Variants in IL4I1 observed in about 807,000 individuals in gnomAD.
IL4I1 encodes L-amino-acid oxidase.
Under a neutral mutation model 29.7 loss-of-function variants are expected in IL4I1, and 24 were observed. The observed-to-expected ratio is 0.81, with a 90% confidence interval of 0.59 to 1.14. The LOEUF is 1.14. IL4I1 is among the 50% of genes most tolerant of loss of function. The pLI is 0.00. For missense variants in IL4I1, 686 were observed against 785.6 expected (o/e 0.87, Z 1.52); for synonymous variants, 371 against 352.5 (o/e 1.05, Z -0.59).
intron 2 of IL4I1, among the ~76,000 whole-genome samples, chr19:49,926,208 C>CAA (rs33981121): frequency 0.2 from 8,357 of 42,166 alleles, 1,131 homozygotes; most frequent in Non-Finnish European, 0.25. Context: ...GACTCTGTCT[C>CAA]AAAAAAAAAA....
chr19:49,909,232 C>T (rs371666520), intron 2 of IL4I1: 30 of 1,613,938 alleles, frequency 1.9e-5, no homozygotes, highest in Middle Eastern at 1.6e-4. Flanking sequence ...CTGGCGTGGC[C>T]GGAGTGAAGG....
At chr19:49,898,015 G>A (rs1436948709), upstream of IL4I1, among the ~76,000 whole-genome samples, 1 of 152,206 alleles carries the variant, frequency 6.6e-6, no homozygotes, top group African/African-American at 2.4e-5. Context: ...GACCGAAAGA[G>A]CTTGGGTCAG....
At chr19:49,912,166 C>CTT (rs60350799) in intron 2 of IL4I1, among the ~76,000 whole-genome samples, 2,589 of 115,454 alleles carry the variant, frequency 0.022, 108 homozygotes, top group East Asian at 0.059. Flanking sequence ...AACAGTTCAC[C>CTT]TTTTTTTTTT....
Position 49,921,776 on chromosome 19 carries a change from A to G in IL4I1, c.-228+5918T>C, listed in dbSNP as rs2075771032. Among the ~76,000 whole-genome samples, 1 of 152,154 alleles carries G rather than the reference A, an allele frequency of 6.6e-6. No individual in the cohort carries two copies. The highest frequency in any genetic ancestry group is 1.5e-5 in the Non-Finnish European group (1 of 68,000). ...TCTCCCCGCAGCTCCGACCATGACCATCCATCCTATGAGTGCTGGCTGGGC... is the reference window on the plus strand; with the variant it reads ...TCTCCCCGCAGCTCCGACCATGACCGTCCATCCTATGAGTGCTGGCTGGGC... On this transcript the variant is annotated intron_variant, in intron 2 of 9. Coordinates refer to the IL4I1 transcript ENST00000341114. The surrounding 1 kb of genome is among the most constrained non-coding windows in gnomAD (Gnocchi z 5.4).
rs778299454 is a variant in IL4I1 at position 49,908,970 on chromosome 19, T to C, written c.-227-4649A>G. The C allele has an allele frequency of 1.2e-5, 20 of 1,608,118 alleles. No individual in the cohort carries two copies. Among genetic ancestry groups the C allele is most frequent in the African/African-American group, 2.7e-5 (2 of 74,794 alleles). On this transcript the variant is annotated intron_variant, in intron 2 of 9. Coordinates refer to the IL4I1 transcript ENST00000341114. ...GTGGTGCTGCTGCTGCTGGTGGTGG[T>C]GGCGGTGGCGGTGGCAGCGGTGGAT...
chr19:49,924,973 C>A (rs898984562), intron 2 of IL4I1, among the ~76,000 whole-genome samples: 2 of 152,154 alleles, frequency 1.3e-5, no homozygotes, highest in African/African-American at 4.8e-5. Flanking sequence ...AAAAATTACC[C>A]ACACCGGGCC....
At chr19:49,890,721 C>T in intron 7 of IL4I1, 121 bp from the exon 8 acceptor site, 1 of 972,356 alleles carries the variant, frequency 1.0e-6, no homozygotes, top group South Asian at 1.8e-5. Flanking sequence ...CCCCGTCATC[C>T]ACCTCTCCCG....
intron 5 of IL4I1, among the ~76,000 whole-genome samples, chr19:49,892,740 C>T (rs1201688050): frequency 6.6e-6 from 1 of 152,208 alleles, no homozygotes; most frequent in Admixed American, 6.5e-5. Context: ...CCCCTTCACT[C>T]ACTCATGCAT....
intron 2 of IL4I1, among the ~76,000 whole-genome samples, chr19:49,920,216 G>T (rs2075732038): frequency 6.6e-6 from 1 of 152,168 alleles, no homozygotes; most frequent in South Asian, 2.1e-4. Context: ...CCAAGTAGCT[G>T]GGACTACAGG....
At chr19:49,911,515 C>T (rs910920442) in intron 2 of IL4I1, 3 of 152,210 alleles carry the variant, frequency 2.0e-5, no homozygotes, top group African/African-American at 7.2e-5. Context: ...AAATCCCCTT[C>T]CAGCTTGAGT....
chr19:49,925,513 G>C (rs1240791395), intron 2 of IL4I1, among the ~76,000 whole-genome samples: 1 of 150,996 alleles, frequency 6.6e-6, no homozygotes, highest in East Asian at 1.9e-4. Context: ...CCCAGTCTGA[G>C]ACAAAACCAA....
At chr19:49,918,760 A>C (rs573315730) in intron 2 of IL4I1, 16 of 152,206 alleles carry the variant, frequency 1.1e-4, no homozygotes, top group Non-Finnish European at 1.6e-4. Flanking sequence ...TCAATGCCTA[A>C]ATGTTCCCGT....
chr19:49,902,873 C>T (rs181981353), intron 3 of IL4I1, among the ~76,000 whole-genome samples: 70 of 151,292 alleles, frequency 4.6e-4, no homozygotes, highest in African/African-American at 1.5e-3. Flanking sequence ...TCCCAGCACT[C>T]TGGGAGGCCG....
At position 49,895,856 on chromosome 19, in the gene IL4I1, C is replaced by G; in HGVS notation, c.211G>C (p.Gly71Arg). The part of the protein sequence containing the change: ...RVIVVGAGVA[G>R]LVAAKVLSDA... ...CTGAGCACCTTGGCGGCCACCAGCC[C>G]GGCCACACCAGCGCCAACCACAATC... The change falls in exon 3 of 8, where the codon GGG becomes CGG. Residue 71 changes from glycine (G) to arginine (R), a missense_variant. By Grantham distance (125) the Gly-to-Arg change is moderately radical. Coordinates refer to ENST00000391826, the MANE Select transcript of IL4I1 (RefSeq NM_152899.2). 1 of 1,614,174 alleles carries G rather than the reference C, an allele frequency of 6.2e-7. No homozygotes were observed. Among genetic ancestry groups the G allele is most frequent in the Non-Finnish European group, 8.5e-7 (1 of 1,180,042 alleles).
rs527541766 is a variant in IL4I1, at chr19:49,921,576, T to C, written c.-228+6118A>G. On this transcript the variant is annotated intron_variant, in intron 2 of 9. Transcript: ENST00000341114. This position sits in a 1 kb window ranked among gnomAD's most constrained non-coding sequence, Gnocchi z 5.4. ...ACCCCCATACGTTCCTGCTCTGTGG[T>C]AGGTCAGGAAGAAGAGGGCAAAGGA... is the stretch of plus-strand genomic sequence containing the variant. Among the ~76,000 whole-genome samples the C allele has an allele frequency of 2.5e-3, 382 of 152,242 alleles. 1 individual carries two copies. The highest frequency in any genetic ancestry group is 8.7e-3 in the African/African-American group (362 of 41,542).
At chr19:49,901,581 C>G (rs2075272263), upstream of IL4I1, 1 of 1,232,142 alleles carries the variant, frequency 8.1e-7, no homozygotes, top group Admixed American at 2.9e-5. Flanking sequence ...TCCCCCTTCC[C>G]ATGGAACCCT....
chr19:49,923,530 G>A (rs1040409350), intron 2 of IL4I1, among the ~76,000 whole-genome samples: 4 of 152,164 alleles, frequency 2.6e-5, no homozygotes, highest in Non-Finnish European at 4.4e-5. Context: ...CAGGCGTGGC[G>A]AGAACAGAGA....
chr19:49,899,582 A>G (rs1159478898), upstream of IL4I1, among the ~76,000 whole-genome samples: 2 of 146,774 alleles, frequency 1.4e-5, no homozygotes, highest in African/African-American at 2.6e-5. Context: ...ATTGAGACGG[A>G]GTCTCACTCT....
intron 2 of IL4I1, chr19:49,908,263 G>A: frequency 3.1e-6 from 5 of 1,613,622 alleles, no homozygotes; most frequent in Non-Finnish European, 3.4e-6. Flanking sequence ...TCCGGAAGCT[G>A]CGCTCCTGCT....
Sources: allele counts gnomAD v4.1 joint callset (sites outside exome capture counted in the v4.1 genomes callset), GRCh38; gene constraint gnomAD v4.1.1; non-coding constraint Gnocchi (gnomAD v3.1); transcripts MANE v1.5; gene names NCBI Gene and HGNC (gene_info 2026-07-23, HGNC 2026-07-21).